The following TBC1D32 variants were observed in gnomAD, a reference collection of about 807,000 sequenced individuals.
The protein encoded by TBC1D32 is TBC1 domain family member 32.
Under a neutral mutation model 170.3 loss-of-function variants are expected in TBC1D32, and 151 were observed. The observed-to-expected ratio is 0.89, with a 90% CI of 0.78 to 1.01. TBC1D32 has a LOEUF of 1.01. Ranked by LOEUF, TBC1D32 falls within the 50% of genes least tolerant of loss-of-function variation. The pLI, the probability that TBC1D32 is intolerant of heterozygous loss-of-function variation, is 0.00. For missense variants in TBC1D32, 1,464 were observed against 1,457.1 expected, an observed-to-expected ratio of 1.00 and a Z score of -0.08; for synonymous variants, 498 against 488.0, an observed-to-expected ratio of 1.02 and a Z score of -0.27.
At chr6:121,303,061 C>T (rs982041171) in intron 9 of TBC1D32, among the ~76,000 whole-genome samples, 8 of 152,118 alleles carry the variant, frequency 5.3e-5, no homozygotes, top group Non-Finnish European at 1.2e-4. Context: ...ACAGACCTCT[C>T]TTAGTTAACA....
At chr6:121,266,018 G>A (rs1178388591) in intron 15 of TBC1D32, among the ~76,000 whole-genome samples, 1 of 152,092 alleles carries the variant, frequency 6.6e-6, no homozygotes. Context: ...CATGAGCAAA[G>A]ATTTTATGAT....
chr6:121,088,023 C>T (rs1007981185), intron 31 of TBC1D32, among the ~76,000 whole-genome samples: 3 of 151,328 alleles, frequency 2.0e-5, no homozygotes, highest in Admixed American at 2.0e-4. Flanking sequence ...CAATCATGGC[C>T]CACTGCGGCC....
rs550927876 is a variant in TBC1D32, at chr6:121,211,280, T to C, written c.2482-6117A>G. Among the ~76,000 whole-genome samples the C allele has an allele frequency of 2.6e-5, 4 of 152,200 alleles. No homozygotes were observed. In the South Asian group the frequency reaches 8.3e-4, roughly 32 times the overall value. On this transcript the variant is annotated intron_variant, in intron 21 of 31. Coordinates refer to ENST00000398212, the MANE Select transcript of TBC1D32 (RefSeq NM_152730.6). ...TATAGCAGGCTATATTTCACTTACATCTAGAGGGAAAGAAAATATGGATTT... is the reference window on the plus strand; with the variant it reads ...TATAGCAGGCTATATTTCACTTACACCTAGAGGGAAAGAAAATATGGATTT...
chr6:121,117,794 T>C (rs1035307695), intron 26 of TBC1D32, among the ~76,000 whole-genome samples: 13 of 152,286 alleles, frequency 8.5e-5, no homozygotes, highest in Admixed American at 5.9e-4. Context: ...CTGTATATCA[T>C]TGATACACAA....
rs1775450177 is a variant in TBC1D32 at position 121,079,546 on chromosome 6, A to C, written c.*1225T>G. 6.6e-6 allele frequency: 1 copy of C among 152,184 alleles called. No individual in the cohort carries two copies. Among genetic ancestry groups the C allele is most frequent in the African/African-American group, 2.4e-5 (1 of 41,452 alleles). The allele number at this position is 152,184 out of a possible 1,614,324, so 9.4% of individuals were successfully genotyped here. On this transcript the variant is annotated 3_prime_UTR_variant, in exon 32 of 32. Transcript: ENST00000398212. ...ATTTATATTTAGATACAAGGAAAGA[A>C]TAAAAAACAGTATCTACAATTAGAA...
intron 12 of TBC1D32, among the ~76,000 whole-genome samples, chr6:121,291,429 CA>C (rs905789715): frequency 6.7e-6 from 1 of 148,676 alleles, no homozygotes; most frequent in East Asian, 2.0e-4. Flanking sequence ...TGGTGCTTTA[CA>C]AAAAAAAACA....
intron 26 of TBC1D32, among the ~76,000 whole-genome samples, chr6:121,119,899 T>C (rs1442889293): frequency 6.6e-6 from 1 of 152,118 alleles, no homozygotes; most frequent in East Asian, 1.9e-4. Flanking sequence ...TCTTAAAAGA[T>C]AATCAATTTC....
intron 24 of TBC1D32, among the ~76,000 whole-genome samples, chr6:121,148,218 G>C (rs1201168929): frequency 6.6e-6 from 1 of 151,834 alleles, no homozygotes. Context: ...TCCCACTTAC[G>C]AGTGAGAACA....
chr6:121,112,596 A>C lies in TBC1D32; in HGVS notation c.3233T>G (p.Leu1078Trp). 1 of 1,611,088 alleles carries C rather than the reference A, an allele frequency of 6.2e-7. No homozygotes were observed. Reference sequence around the variant, plus strand: ...TTGGAATGTTTTTTCTTTGTCTCCCAACATTATCATGAACAGAGAAGATAC... The same window carrying C: ...TTGGAATGTTTTTTCTTTGTCTCCCCACATTATCATGAACAGAGAAGATAC... ...WFVSSLFMIMLGDKEKTFQFL... is the reference protein window; with the variant it reads ...WFVSSLFMIMWGDKEKTFQFL... Residue 1078 changes from leucine to tryptophan, a missense_variant, in exon 29 of 32, where the codon TTG (leucine) becomes TGG (tryptophan). By Grantham distance (61) the Leu-to-Trp change is moderately conservative (BLOSUM62 -2). Coordinates refer to ENST00000398212, the MANE Select transcript of TBC1D32 (RefSeq NM_152730.6).
At chr6:121,237,625 T>C (rs1250982059) in intron 20 of TBC1D32, among the ~76,000 whole-genome samples, 2 of 152,050 alleles carry the variant, frequency 1.3e-5, no homozygotes, top group Admixed American at 6.5e-5. Context: ...TCTTCTATTA[T>C]GTTTAAATCT....
chr6:121,225,210 GA>G (rs1794931342), intron 20 of TBC1D32, among the ~76,000 whole-genome samples: 1 of 151,998 alleles, frequency 6.6e-6, no homozygotes, highest in Non-Finnish European at 1.5e-5. Flanking sequence ...CTATTAACTA[GA>G]AAGATGATTA....
chr6:121,199,212 T>C (rs1175442067), intron 22 of TBC1D32, among the ~76,000 whole-genome samples: 13 of 151,406 alleles, frequency 8.6e-5, no homozygotes, highest in Admixed American at 8.5e-4. Flanking sequence ...TCCATAGATA[T>C]TTAAAAATAA....
Position 121,312,473 on chromosome 6 carries a change from C to T in TBC1D32, c.496-1626G>A, listed in dbSNP as rs917148900. 1.5e-4 allele frequency among the ~76,000 whole-genome samples: 23 copies of T among 152,100 alleles called. 2 individuals carry two copies. Among genetic ancestry groups the T allele is most frequent in the Admixed American group, 1.2e-3 (19 of 15,274 alleles). On this transcript the variant is annotated intron_variant, in intron 3 of 31. Transcript: ENST00000398212. ...GTATAATCATAGTTCAATGTGGCCT[C>T]GAACTCCTGGGCTCATGCAATTAGG...
intron 20 of TBC1D32, among the ~76,000 whole-genome samples, chr6:121,226,710 CT>C (rs1795112895): frequency 1.3e-5 from 2 of 152,180 alleles, no homozygotes; most frequent in East Asian, 1.9e-4. Flanking sequence ...AAGGAAAGGT[CT>C]GTGAAGACTA....
chr6:121,098,330 T>C (rs1406559125), intron 30 of TBC1D32, among the ~76,000 whole-genome samples: 1 of 151,952 alleles, frequency 6.6e-6, no homozygotes, highest in Non-Finnish European at 1.5e-5. Flanking sequence ...AAGACACTAT[T>C]TTTAACAACT....
intron 11 of TBC1D32, among the ~76,000 whole-genome samples, 171 bp downstream of exon 11, chr6:121,294,399 T>A (rs959181954): frequency 2.0e-5 from 3 of 152,078 alleles, no homozygotes; most frequent in Non-Finnish European, 4.4e-5. Context: ...TAAAAAATAA[T>A]GATTATAGTG....
rs75540618 is a variant in TBC1D32, at chr6:121,317,536, G to A, written c.454C>T (p.Arg152Cys). The change falls in exon 3 of 32, where the codon CGC becomes TGC. Residue 152 changes from arginine to cysteine, a missense_variant. Arg to Cys is a radical substitution (Grantham distance 180). This residue lies in a region of TBC1D32 where 1,363 missense variants were observed against 1,338.1 expected (regional missense o/e 1.02). Transcript: ENST00000398212. ...KIQKEKSHSY[R>C]TDNCSDSDSS... ...TCACTATCAGAGCAATTGTCTGTGC[G>A]GTAACTATGGCTTTTCTCCTTTTGG... 0.022 allele frequency: 35,806 copies of A among 1,611,524 alleles called. 1,437 individuals are homozygous for A. Among genetic ancestry groups the A allele is most frequent in the Admixed American group, 0.14 (8,438 of 59,748 alleles).
chr6:121,160,353 G>A (rs764484291), intron 23 of TBC1D32, among the ~76,000 whole-genome samples: 131 of 148,740 alleles, frequency 8.8e-4, no homozygotes, highest in Non-Finnish European at 1.5e-3. Flanking sequence ...GTAGTAAGCA[G>A]AATTGATAAT....
chr6:121,104,105 TAAATGATATAA>T (rs1163416572), intron 30 of TBC1D32, among the ~76,000 whole-genome samples: 1 of 151,802 alleles, frequency 6.6e-6, no homozygotes, highest in Non-Finnish European at 1.5e-5. Flanking sequence ...ATAAATTTAA[TAAATGATATAA>T]AGTTTCTTCA....
Sources: gnomAD v4.1 joint callset for allele counts (sites outside exome capture counted in the v4.1 genomes callset) on GRCh38, gnomAD v4.1.1 for gene constraint, gnomAD v4.1.1 regional missense constraint, MANE v1.5 for transcripts, NCBI Gene and HGNC (gene_info 2026-07-23, HGNC 2026-07-21) for gene names.